RFX7: variants seen among roughly 807,000 people sequenced by gnomAD.
RFX7 encodes regulatory factor X7, also known as DNA-binding protein RFX7.
Under a neutral mutation model 111.8 loss-of-function variants are expected in RFX7, and 26 were observed. That is an observed-to-expected ratio of 0.23 (90% CI 0.17 to 0.32). RFX7 has a LOEUF of 0.32. Ranked by LOEUF, RFX7 falls within the 10% of genes least tolerant of loss-of-function variation. The pLI is 1.00. For synonymous variants in RFX7, 624 were observed against 624.4 expected (o/e 1.00, Z 0.01); for missense variants, 1,573 against 1,772.9 (o/e 0.89, Z 2.02).
chr15:56,195,364 G>A (rs1038039982), intron 2 of RFX7, among the ~76,000 whole-genome samples: 1 of 151,994 alleles, frequency 6.6e-6, no homozygotes, highest in South Asian at 2.1e-4. Flanking sequence ...AAATGCTACT[G>A]AATCATACAC....
At chr15:56,221,909 T>C (rs984994934) in intron 2 of RFX7, among the ~76,000 whole-genome samples, 1 of 152,200 alleles carries the variant, frequency 6.6e-6, no homozygotes, top group Admixed American at 6.5e-5. Context: ...TCACAGAAAA[T>C]ATGTACTTTA....
chr15:56,235,235 G>A (rs1181349191), intron 2 of RFX7, among the ~76,000 whole-genome samples: 3 of 151,644 alleles, frequency 2.0e-5, no homozygotes, highest in African/African-American at 7.3e-5. Flanking sequence ...GTGCAGTGGC[G>A]TGATCTTGGC....
chr15:56,226,317 C>T (rs1169715525), intron 2 of RFX7, among the ~76,000 whole-genome samples: 1 of 152,038 alleles, frequency 6.6e-6, no homozygotes, highest in African/African-American at 2.4e-5. Context: ...TAGTGACTAT[C>T]AGGAAAGGTG....
At chr15:56,196,588 A>G (rs1215657767) in intron 2 of RFX7, among the ~76,000 whole-genome samples, 1 of 152,130 alleles carries the variant, frequency 6.6e-6, no homozygotes, top group East Asian at 1.9e-4. Context: ...TTGAAGCCCT[A>G]ACCCCCAAGT....
At chr15:56,194,683 G>A (rs1246160263) in intron 2 of RFX7, among the ~76,000 whole-genome samples, 1 of 151,822 alleles carries the variant, frequency 6.6e-6, no homozygotes, top group Non-Finnish European at 1.5e-5. Context: ...GGTGTAGCCA[G>A]AAAAAAAGGA....
chr15:56,235,354 T>G (rs1301082483), intron 2 of RFX7, among the ~76,000 whole-genome samples: 1 of 152,122 alleles, frequency 6.6e-6, no homozygotes, highest in African/African-American at 2.4e-5. Flanking sequence ...TTTTATATTT[T>G]TAGTAGAGAC....
chr15:56,109,111 T>A (rs1399243481), intron 5 of RFX7, among the ~76,000 whole-genome samples: 1 of 152,226 alleles, frequency 6.6e-6, no homozygotes, highest in Non-Finnish European at 1.5e-5. Flanking sequence ...AGCTGGACTG[T>A]ACTGCTGCCA....
intron 2 of RFX7, among the ~76,000 whole-genome samples, chr15:56,205,336 A>G (rs888687455): frequency 1.3e-5 from 2 of 152,198 alleles, no homozygotes; most frequent in African/African-American, 4.8e-5. Flanking sequence ...AAGTTTCTCT[A>G]GGTTTTTGAA....
At chr15:56,103,861 C>T (rs1263984475) in intron 5 of RFX7, among the ~76,000 whole-genome samples, 191 bp from the exon 6 acceptor site, 1 of 152,204 alleles carries the variant, frequency 6.6e-6, no homozygotes, top group Admixed American at 6.5e-5. Context: ...GCTTCAACCT[C>T]AGGGTATATA....
Position 56,227,773 on chromosome 15 carries a change from A to C in RFX7, c.161+15352T>G, listed in dbSNP as rs2043501820. On this transcript the variant is annotated intron_variant, in intron 2 of 9. Coordinates refer to ENST00000559447, the MANE Select transcript of RFX7 (RefSeq NM_022841.7). ...GATCAAGTAAATATAAGAAAAATAA[A>C]AGGTGTTATTTTATTTTCATTTATT... Among the ~76,000 whole-genome samples, 3 of 152,268 alleles carry C rather than the reference A, an allele frequency of 2.0e-5. No individual in the cohort carries two copies. The East Asian group carries it at 5.8e-4, about 29-fold the overall frequency.
chr15:56,215,955 C>A (rs1330672818), intron 2 of RFX7, among the ~76,000 whole-genome samples: 1 of 152,124 alleles, frequency 6.6e-6, no homozygotes, highest in African/African-American at 2.4e-5. Context: ...TCTCTGTGGG[C>A]TTCTTACCTC....
intron 3 of RFX7, among the ~76,000 whole-genome samples, chr15:56,178,428 C>A (rs2042927891): frequency 6.6e-6 from 1 of 151,754 alleles, no homozygotes; most frequent in African/African-American, 2.4e-5. Flanking sequence ...TGTAACAGAC[C>A]ACCACCACCA....
intron 2 of RFX7, among the ~76,000 whole-genome samples, chr15:56,188,751 A>G (rs193220967): frequency 4.1e-4 from 62 of 152,368 alleles, no homozygotes; most frequent in African/African-American, 1.4e-3. Flanking sequence ...GCTGAAGCTT[A>G]AAGTGTCTAG....
rs375602356 is a variant in RFX7, at chr15:56,098,415, T to C, written c.812-39A>G. 1.4e-5 allele frequency: 22 copies of C among 1,527,792 alleles called. 1 individual carries two copies. Among genetic ancestry groups the C allele is most frequent in the Non-Finnish European group, 8.8e-7 (1 of 1,139,290 alleles). 94.6% of individuals were successfully genotyped at this position (1,527,792 alleles called of 1,614,324 possible). A position where few individuals can be genotyped will look rare whatever the true frequency, so the allele number is the denominator to read the frequency against. On this transcript the variant is annotated intron_variant, in intron 8 of 9. Transcript: ENST00000559447. ...GAAAGGAAAGCTGCAATAAATACTC[T>C]CCTTTATAGAAGGGAGGTTCCTTTG...
At chr15:56,240,342 A>T (rs372004275) in intron 2 of RFX7, among the ~76,000 whole-genome samples, 36 of 152,178 alleles carry the variant, frequency 2.4e-4, no homozygotes, top group Middle Eastern at 3.4e-3. Flanking sequence ...ATATTATAGA[A>T]ACATAACAAC....
At chr15:56,162,638 GAGAGA>G (rs1555422831) in intron 3 of RFX7, among the ~76,000 whole-genome samples, 1 of 142,160 alleles carries the variant, frequency 7.0e-6, no homozygotes, top group Non-Finnish European at 1.6e-5. Context: ...TCCCTAACAG[GAGAGA>G]AAAAAAAAAC....
At chr15:56,169,795 C>T (rs999851408) in intron 3 of RFX7, among the ~76,000 whole-genome samples, 1 of 149,968 alleles carries the variant, frequency 6.7e-6, no homozygotes, top group Non-Finnish European at 1.5e-5. Context: ...AGTTTTAGTT[C>T]CCCACGAGCA....
chr15:56,196,070 A>G (rs1478078667), intron 2 of RFX7, among the ~76,000 whole-genome samples: 1 of 152,194 alleles, frequency 6.6e-6, no homozygotes, highest in African/African-American at 2.4e-5. Context: ...CATATTACAC[A>G]AATGAATTTT....
At chr15:56,220,059 C>A (rs1307075533) in intron 2 of RFX7, among the ~76,000 whole-genome samples, 2 of 150,856 alleles carry the variant, frequency 1.3e-5, no homozygotes, top group Non-Finnish European at 3.0e-5. Flanking sequence ...GAAGCATAAC[C>A]TTTTTTTTTG....
Sources: gnomAD v4.1 joint callset for allele counts (sites outside exome capture counted in the v4.1 genomes callset) on GRCh38, gnomAD v4.1.1 for gene constraint, MANE v1.5 for transcripts, NCBI Gene and HGNC (gene_info 2026-07-23, HGNC 2026-07-21) for gene names.